The following THSD7B variants were observed in gnomAD, a reference collection of about 807,000 sequenced individuals.
THSD7B encodes thrombospondin type-1 domain-containing protein 7B.
In THSD7B, 138 loss-of-function variants were observed where a neutral mutation model predicts 213.6. That is an observed-to-expected ratio of 0.65 (90% confidence interval 0.56 to 0.74). The LOEUF (loss-of-function observed/expected upper bound fraction) is 0.74. Among genes scored for constraint, THSD7B ranks in the 30% least tolerant of loss-of-function variants. THSD7B has a pLI of 0.00. For synonymous variants in THSD7B, 742 were observed against 687.0 expected (o/e 1.08, Z -1.25); for missense variants, 1,931 against 1,991.5 (o/e 0.97, Z 0.58).
chr2:137,657,269 A>G (rs1183600462), intron 24 of THSD7B, 109 bp downstream of exon 24: 1 of 973,844 alleles, frequency 1.0e-6, no homozygotes, highest in African/African-American at 1.6e-5. Flanking sequence ...TTGGGCAGGT[A>G]GCTTAGATGA....
rs183709470 is a variant in THSD7B, at chr2:137,030,343, C to A, written c.140-26077C>A. Among the ~76,000 whole-genome samples the A allele has an allele frequency of 5.5e-4, 83 of 152,156 alleles. 1 individual carries two copies. Among genetic ancestry groups the A allele is most frequent in the African/African-American group, 2.0e-3 (83 of 41,502 alleles). On this transcript the variant is annotated intron_variant, in intron 2 of 27. Transcript: ENST00000409968. The stretch of plus-strand genomic sequence containing the variant: ...ATTTTTAAGGATATGGAGTATGAGA[C>A]TAAGTTTATCCAGAATATAGTCAGA...
intron 5 of THSD7B, among the ~76,000 whole-genome samples, chr2:137,137,578 C>T (rs1679490728): frequency 6.6e-6 from 1 of 152,138 alleles, no homozygotes; most frequent in African/African-American, 2.4e-5. Context: ...TATAGGTTTA[C>T]AGCCTAGGAG....
intron 2 of THSD7B, among the ~76,000 whole-genome samples, chr2:136,963,975 C>T (rs1168935691): frequency 1.4e-5 from 2 of 146,048 alleles, no homozygotes; most frequent in Admixed American, 7.0e-5. Context: ...ATATTGCTAG[C>T]TAGCCATGTT....
At chr2:136,896,006 C>T (rs1395085690) in intron 2 of THSD7B, among the ~76,000 whole-genome samples, 1 of 152,080 alleles carries the variant, frequency 6.6e-6, no homozygotes, top group Non-Finnish European at 1.5e-5. Context: ...AAAATATTCA[C>T]ATTTGTGTTG....
chr2:136,943,139 A>G (rs903533604), intron 2 of THSD7B, among the ~76,000 whole-genome samples: 1 of 152,120 alleles, frequency 6.6e-6, no homozygotes, highest in Non-Finnish European at 1.5e-5. Context: ...TGAGATAATC[A>G]TGTGGTTTTT....
chr2:137,248,590 G>A (rs1255382745), intron 10 of THSD7B, among the ~76,000 whole-genome samples: 1 of 152,138 alleles, frequency 6.6e-6, no homozygotes, highest in African/African-American at 2.4e-5. Context: ...CTGGATTCCA[G>A]AATTTTGCCC....
At chr2:137,655,817 G>A (rs1281527653) in intron 22 of THSD7B, among the ~76,000 whole-genome samples, 157 bp downstream of exon 22, 2 of 152,010 alleles carry the variant, frequency 1.3e-5, no homozygotes, top group African/African-American at 4.8e-5. Flanking sequence ...TATACCTACG[G>A]CTTTGATGGA....
rs557097839 is a variant in THSD7B at position 136,889,601 on chromosome 2, T to C, written c.139+7284T>C. On this transcript the variant is annotated intron_variant, in intron 2 of 27. Coordinates refer to ENST00000409968, the MANE Select transcript of THSD7B (RefSeq NM_001316349.2). ...TTCAGCTTTTTCTTTTACATGGAAA[T>C]GAAAAATTTCCTTCTTTATTGTTTT... Among the ~76,000 whole-genome samples the C allele has an allele frequency of 5.9e-5, 9 of 152,362 alleles. 1 individual carries two copies. In the South Asian group the frequency reaches 1.9e-3, roughly 32 times the overall value.
At chr2:137,150,616 AATTAT>A (rs1679798409) in intron 5 of THSD7B, among the ~76,000 whole-genome samples, 2 of 152,138 alleles carry the variant, frequency 1.3e-5, no homozygotes, top group Non-Finnish European at 2.9e-5. Flanking sequence ...ACTGTGAGTT[AATTAT>A]AACTCTTTTC....
chr2:137,578,471 C>G (rs1308026101), intron 17 of THSD7B, among the ~76,000 whole-genome samples: 1 of 152,162 alleles, frequency 6.6e-6, no homozygotes, highest in Non-Finnish European at 1.5e-5. Context: ...CCTCTTCAAG[C>G]TCTGAGACCA....
At chr2:137,288,270 A>G (rs780428228) in intron 12 of THSD7B, among the ~76,000 whole-genome samples, 4 of 152,152 alleles carry the variant, frequency 2.6e-5, no homozygotes, top group African/African-American at 4.8e-5. Context: ...TTGTGAAACA[A>G]TGCTTCTTTA....
chr2:137,554,927 C>T (rs1221881411), intron 15 of THSD7B, among the ~76,000 whole-genome samples: 1 of 152,206 alleles, frequency 6.6e-6, no homozygotes, highest in African/African-American at 2.4e-5. Context: ...GGGTCCCATG[C>T]TCAGGGAGCC....
chr2:137,148,387 G>A (rs1280921857), intron 5 of THSD7B, among the ~76,000 whole-genome samples: 2 of 152,106 alleles, frequency 1.3e-5, no homozygotes, highest in African/African-American at 2.4e-5. Context: ...AACTGGTACT[G>A]CAGAGAGTGG....
In THSD7B at chr2:137,616,167, T is replaced by C. The variant is rs1326796054; in HGVS notation, c.3424-8T>C. ...CACAGTCAACTTTTCCTACTCTGAT[T>C]TTAATAGTCATGCGATCCCCACACA... On this transcript the variant is annotated splice_region_variant and splice_polypyrimidine_tract_variant and intron_variant, in intron 17 of 27. Transcript: ENST00000409968. 6.2e-7 allele frequency: 1 copy of C among 1,610,176 alleles called. No individual in the cohort carries two copies. Among genetic ancestry groups the C allele is most frequent in the Admixed American group, 1.7e-5 (1 of 59,178 alleles).
intron 12 of THSD7B, among the ~76,000 whole-genome samples, chr2:137,345,545 G>A (rs1684858546): frequency 6.6e-6 from 1 of 151,556 alleles, no homozygotes; most frequent in African/African-American, 2.4e-5. Flanking sequence ...AAAAGAAATG[G>A]GGTGTGAGAG....
chr2:136,949,610 G>C (rs546262184), intron 2 of THSD7B, among the ~76,000 whole-genome samples: 1 of 152,328 alleles, frequency 6.6e-6, no homozygotes, highest in East Asian at 1.9e-4. Context: ...GGAAAGCCAA[G>C]GAGGAACATG....
rs1357875710 is a variant in THSD7B, at chr2:136,982,417, G to A, written c.140-74003G>A. On this transcript the variant is annotated intron_variant, in intron 2 of 27. Coordinates refer to ENST00000409968, the MANE Select transcript of THSD7B (RefSeq NM_001316349.2). ...GGGCACAGGGGATCCTCCTATCTCGGCCTCCCGAAGTGCTAGTTTCAGGAT... is the reference window on the plus strand; with the variant it reads ...GGGCACAGGGGATCCTCCTATCTCGACCTCCCGAAGTGCTAGTTTCAGGAT... Among the ~76,000 whole-genome samples, 4 of 152,026 alleles carry A rather than the reference G, an allele frequency of 2.6e-5. No individual in the cohort carries two copies. The East Asian group carries it at 7.7e-4, about 29-fold the overall frequency.
At chr2:137,309,092 T>C (rs976325218) in intron 12 of THSD7B, among the ~76,000 whole-genome samples, 10 of 152,106 alleles carry the variant, frequency 6.6e-5, no homozygotes, top group African/African-American at 2.2e-4. Flanking sequence ...AGAAACATCA[T>C]ATCATTTTAT....
Position 137,056,966 on chromosome 2 carries a change from C to G in THSD7B, c.686C>G (p.Pro229Arg). ...ACTGAGTCAAGAGCCTGTGATGCTC[C>G]CATTTCCTGTCCTCTTGGGGAAGAG... The part of the protein sequence containing the change: ...NLTESRACDA[P>R]ISCPLGEEEY... Residue 229 changes from proline (P) to arginine (R), a missense_variant, in exon 3 of 28, where the codon CCC becomes CGC. Coordinates refer to ENST00000409968, the MANE Select transcript of THSD7B (RefSeq NM_001316349.2). 6.2e-7 allele frequency: 1 copy of G among 1,613,934 alleles called. No homozygotes were observed. Among genetic ancestry groups the G allele is most frequent in the Admixed American group, 1.7e-5 (1 of 60,028 alleles).
Sources: gnomAD v4.1 joint callset for allele counts (sites outside exome capture counted in the v4.1 genomes callset) on GRCh38, gnomAD v4.1.1 for gene constraint, MANE v1.5 for transcripts, NCBI Gene and HGNC (gene_info 2026-07-23, HGNC 2026-07-21) for gene names.